Variants in CDH2 observed in about 807,000 individuals in gnomAD.
The protein encoded by CDH2 is cadherin-2.
Under a neutral mutation model 92.0 loss-of-function variants are expected in CDH2, and 17 were observed. That is an observed-to-expected ratio of 0.18 (90% confidence interval 0.13 to 0.28). CDH2 has a LOEUF of 0.28. Among genes scored for constraint, CDH2 ranks in the 10% least tolerant of loss-of-function variants. CDH2 has a pLI of 1.00. For synonymous variants in CDH2, 419 were observed against 415.9 expected (o/e 1.01, Z -0.09); for missense variants, 862 against 1,133.1 (o/e 0.76, Z 3.44).
chr18:28,061,837 C>A (rs1436332430), intron 2 of CDH2, among the ~76,000 whole-genome samples: 1 of 152,114 alleles, frequency 6.6e-6, no homozygotes, highest in Non-Finnish European at 1.5e-5. Flanking sequence ...ATAAAACCAT[C>A]AGATCTCATG....
intron 9 of CDH2, among the ~76,000 whole-genome samples, chr18:27,991,699 CACAG>C: frequency 6.6e-6 from 1 of 152,304 alleles, no homozygotes; most frequent in South Asian, 2.1e-4. Context: ...GGGACTCTAA[CACAG>C]ACAGCAGACT....
chr18:28,138,075 A>C (rs2144309705), intron 2 of CDH2, among the ~76,000 whole-genome samples: 1 of 151,974 alleles, frequency 6.6e-6, no homozygotes, highest in East Asian at 1.9e-4. Flanking sequence ...TTACTCCATC[A>C]ATTTGACAGC....
chr18:28,014,453 C>T (rs1211721046), intron 2 of CDH2, among the ~76,000 whole-genome samples: 1 of 152,108 alleles, frequency 6.6e-6, no homozygotes, highest in African/African-American at 2.4e-5. Flanking sequence ...GGAACAAATG[C>T]TTACAGGAAG....
intron 2 of CDH2, among the ~76,000 whole-genome samples, chr18:28,070,348 T>C (rs1161198240): frequency 6.6e-6 from 1 of 152,214 alleles, no homozygotes; most frequent in Non-Finnish European, 1.5e-5. Flanking sequence ...CCCTATGAGA[T>C]AGGTATAATT....
At chr18:28,074,047 C>G (rs1335631793) in intron 2 of CDH2, among the ~76,000 whole-genome samples, 1 of 152,080 alleles carries the variant, frequency 6.6e-6, no homozygotes, top group African/African-American at 2.4e-5. Context: ...AAATTCTCTG[C>G]AAGAATTTTT....
chr18:28,166,767 T>A (rs184387529), intron 1 of CDH2, among the ~76,000 whole-genome samples: 4 of 152,254 alleles, frequency 2.6e-5, no homozygotes, highest in African/African-American at 9.6e-5. Flanking sequence ...AAATCCTTGG[T>A]GGGCAATTAC....
intron 2 of CDH2, among the ~76,000 whole-genome samples, chr18:28,034,541 TC>T (rs1599050908): frequency 6.6e-6 from 1 of 151,982 alleles, no homozygotes; most frequent in East Asian, 1.9e-4. Context: ...CAGATAAAAA[TC>T]ATAGCAATTA....
intron 2 of CDH2, among the ~76,000 whole-genome samples, chr18:28,107,887 A>G (rs2015348972): frequency 6.6e-6 from 1 of 152,188 alleles, no homozygotes; most frequent in African/African-American, 2.4e-5. Context: ...GAAAAAAGAA[A>G]AACACCCTCC....
chr18:28,127,302 GTTACGGA>G (rs2015692930), intron 2 of CDH2, among the ~76,000 whole-genome samples: 2 of 152,198 alleles, frequency 1.3e-5, no homozygotes, highest in African/African-American at 4.8e-5. Flanking sequence ...CACAGGAGCA[GTTACGGA>G]TTCAGTGGAT....
intron 1 of CDH2, among the ~76,000 whole-genome samples, chr18:28,172,288 G>C (rs894810043): frequency 6.6e-6 from 1 of 151,986 alleles, no homozygotes; most frequent in African/African-American, 2.4e-5. Flanking sequence ...CTTTCAAAAA[G>C]TCCCATTTAG....
intron 2 of CDH2, among the ~76,000 whole-genome samples, chr18:28,104,127 T>C (rs1346434778): frequency 1.3e-5 from 2 of 152,092 alleles, no homozygotes; most frequent in African/African-American, 4.8e-5. Flanking sequence ...TTCCAGCAGG[T>C]TGTGTTATTG....
chr18:28,128,650 C>T (rs1413639700), intron 2 of CDH2, among the ~76,000 whole-genome samples: 4 of 151,424 alleles, frequency 2.6e-5, no homozygotes, highest in Admixed American at 2.6e-4. Flanking sequence ...CATGCCATTG[C>T]ACTCCAGCCT....
At chr18:27,969,684 A>G (rs903804244) in intron 14 of CDH2, among the ~76,000 whole-genome samples, 2 of 152,242 alleles carry the variant, frequency 1.3e-5, no homozygotes, top group South Asian at 4.1e-4. Flanking sequence ...GTCTTTTAAA[A>G]GGACATATTT....
rs1281688960 is a variant in CDH2 at position 28,101,829 on chromosome 18, G to GA, written c.172+45843dup. Among the ~76,000 whole-genome samples the GA allele has an allele frequency of 2.6e-5, 4 of 151,778 alleles. No individual in the cohort carries two copies. In the East Asian group the frequency reaches 5.8e-4, roughly 22 times the overall value. ...GCTTAAGAATTCCAAATATAAGAAAGAAAAAAACCACTTCACCCTACAAAC... is the reference window on the plus strand; with the variant it reads ...GCTTAAGAATTCCAAATATAAGAAAGAAAAAAAACCACTTCACCCTACAAAC... On this transcript the variant is annotated intron_variant, in intron 2 of 15. Transcript: ENST00000269141.
intron 6 of CDH2, among the ~76,000 whole-genome samples, chr18:28,004,612 A>G (rs1227697090): frequency 6.6e-6 from 1 of 152,086 alleles, no homozygotes; most frequent in Admixed American, 6.6e-5. Context: ...AATAATAGAG[A>G]AAAAAAAGAA....
intron 2 of CDH2, among the ~76,000 whole-genome samples, chr18:28,027,233 C>T (rs1046487803): frequency 2.6e-5 from 4 of 151,818 alleles, no homozygotes; most frequent in African/African-American, 9.7e-5. Flanking sequence ...GCTTGAGTGA[C>T]CTACAACAAG....
intron 2 of CDH2, among the ~76,000 whole-genome samples, chr18:28,033,312 T>C (rs1276135064): frequency 6.6e-6 from 1 of 152,074 alleles, no homozygotes; most frequent in Non-Finnish European, 1.5e-5. Context: ...TTTTAGGATG[T>C]ATTATTTTTG....
chr18:28,096,115 T>A (rs941734648), intron 2 of CDH2, among the ~76,000 whole-genome samples: 4 of 152,158 alleles, frequency 2.6e-5, no homozygotes, highest in African/African-American at 9.7e-5. Context: ...TGAGGTGCTA[T>A]TCCCTCAATA....
At chr18:28,010,561 A>G (rs1304501335) in intron 4 of CDH2, among the ~76,000 whole-genome samples, 1 of 152,318 alleles carries the variant, frequency 6.6e-6, no homozygotes, top group East Asian at 1.9e-4. Context: ...GAGCAGTCAC[A>G]GGAGACAGAA....
Sources: allele counts gnomAD v4.1 joint callset (sites outside exome capture counted in the v4.1 genomes callset), GRCh38; gene constraint gnomAD v4.1.1; transcripts MANE v1.5; gene names NCBI Gene and HGNC (gene_info 2026-07-23, HGNC 2026-07-21).